Variants in RIMS2 observed in about 807,000 individuals in gnomAD.
RIMS2 encodes regulating synaptic membrane exocytosis 2.
RIMS2 carries 59 observed loss-of-function variants against 174.4 expected under a neutral mutation model. That is an observed-to-expected ratio of 0.34 (90% CI 0.27 to 0.42). The LOEUF (loss-of-function observed/expected upper bound fraction) is 0.42. Among genes scored for constraint, RIMS2 ranks in the 10% least tolerant of loss-of-function variants. The pLI is 1.00. For synonymous variants in RIMS2, 606 were observed against 572.5 expected (o/e 1.06, Z -0.84); for missense variants, 1,620 against 1,666.3 (o/e 0.97, Z 0.48).
chr8:103,717,131 G>GTGC (rs1174765063), intron 2 of RIMS2, among the ~76,000 whole-genome samples: 1 of 136,812 alleles, frequency 7.3e-6, no homozygotes, highest in African/African-American at 2.7e-5. Context: ...TTTCTAAATA[G>GTGC]TGCCTTCTTT....
intron 19 of RIMS2, among the ~76,000 whole-genome samples, chr8:104,157,730 C>T (rs1024282771): frequency 1.3e-5 from 2 of 152,144 alleles, no homozygotes; most frequent in Non-Finnish European, 2.9e-5. Context: ...TGTCAGTAGG[C>T]ACTTGGGTTC....
At chr8:103,842,809 C>T (rs2098948065) in intron 3 of RIMS2, among the ~76,000 whole-genome samples, 1 of 152,194 alleles carries the variant, frequency 6.6e-6, no homozygotes, top group South Asian at 2.1e-4. Context: ...GTACCATAAA[C>T]TGGGTGGCTT....
At chr8:104,194,645 T>C (rs2099015018) in intron 19 of RIMS2, among the ~76,000 whole-genome samples, 1 of 152,148 alleles carries the variant, frequency 6.6e-6, no homozygotes, top group Non-Finnish European at 1.5e-5. Context: ...GAGTGGGTGT[T>C]CAATAAATAC....
At chr8:104,148,709 T>C (rs2098664738) in intron 19 of RIMS2, 1 of 1,598,308 alleles carries the variant, frequency 6.3e-7, no homozygotes, top group Non-Finnish European at 8.5e-7. Context: ...TGGAGAAGAA[T>C]GATGGCAGCC....
At chr8:104,016,368 T>A (rs970670707) in intron 19 of RIMS2, among the ~76,000 whole-genome samples, 1 of 152,112 alleles carries the variant, frequency 6.6e-6, no homozygotes, top group African/African-American at 2.4e-5. Flanking sequence ...GTAAGCGTGC[T>A]GCATTCGAGC....
intron 2 of RIMS2, among the ~76,000 whole-genome samples, chr8:103,762,640 C>T (rs988557151): frequency 2.0e-5 from 3 of 152,174 alleles, no homozygotes; most frequent in Non-Finnish European, 4.4e-5. Context: ...AAGCTGCTTT[C>T]TGTGTAAAGG....
intron 3 of RIMS2, among the ~76,000 whole-genome samples, chr8:103,771,849 C>A (rs931478976): frequency 1.3e-5 from 2 of 152,044 alleles, no homozygotes; most frequent in East Asian, 1.9e-4. Context: ...ATAATTCATT[C>A]ATTCAACAGA....
chr8:103,516,818 C>T (rs543421002), intron 1 of RIMS2, among the ~76,000 whole-genome samples: 6 of 151,926 alleles, frequency 3.9e-5, no homozygotes, highest in African/African-American at 9.7e-5. Flanking sequence ...ATGGGAAGGT[C>T]GGGGAGAGGT....
At chr8:104,242,008 C>T (rs2099301704) in intron 19 of RIMS2, among the ~76,000 whole-genome samples, 1 of 152,130 alleles carries the variant, frequency 6.6e-6, no homozygotes, top group African/African-American at 2.4e-5. Flanking sequence ...GATCTGCCTG[C>T]CTTAGCCTCC....
chr8:103,895,478 T>C (rs911180279), intron 4 of RIMS2, among the ~76,000 whole-genome samples: 1 of 151,486 alleles, frequency 6.6e-6, no homozygotes, highest in Non-Finnish European at 1.5e-5. Context: ...TGTTTCTTCT[T>C]ATAAAGGTAC....
intron 1 of RIMS2, among the ~76,000 whole-genome samples, chr8:103,638,766 G>T (rs1325312958): frequency 2.0e-5 from 3 of 152,010 alleles, no homozygotes; most frequent in Admixed American, 2.0e-4. Context: ...TAGAAACAAA[G>T]ATCTTTGTAC....
intron 19 of RIMS2, among the ~76,000 whole-genome samples, chr8:104,078,653 A>G (rs2097347148): frequency 6.6e-6 from 1 of 152,248 alleles, no homozygotes. Flanking sequence ...TCTATAACAC[A>G]TCTCTACAAA....
chr8:103,571,642 A>G (rs760883779), intron 1 of RIMS2, among the ~76,000 whole-genome samples: 3 of 152,200 alleles, frequency 2.0e-5, no homozygotes, highest in Non-Finnish European at 2.9e-5. Flanking sequence ...TTTATAGGCA[A>G]AAGGTGTTAT....
At chr8:103,574,375 C>T (rs1345590334) in intron 1 of RIMS2, among the ~76,000 whole-genome samples, 1 of 152,162 alleles carries the variant, frequency 6.6e-6, no homozygotes, top group Non-Finnish European at 1.5e-5. Context: ...TGTGTAGTTT[C>T]CACTAAGCTT....
chr8:103,544,318 T>A (rs929149312), intron 1 of RIMS2, among the ~76,000 whole-genome samples: 67 of 152,180 alleles, frequency 4.4e-4, no homozygotes, highest in African/African-American at 1.6e-3. Flanking sequence ...ATACCTCTTC[T>A]GCCTGAACTC....
Position 103,877,019 on chromosome 8 carries a change from T to C in RIMS2, c.699-8279T>C, listed in dbSNP as rs114187020. ...ATTGTGAATTATGCTGCTACAAACA[T>C]GCACGTGCAAGTACCTTTTTCGTAT... is the stretch of plus-strand genomic sequence containing the variant. On this transcript the variant is annotated intron_variant, in intron 3 of 23. Coordinates refer to ENST00000504942, the Ensembl canonical transcript of RIMS2. Among the ~76,000 whole-genome samples the C allele has an allele frequency of 8.3e-3, 1,247 of 150,596 alleles. 18 individuals carry two copies. The highest frequency in any genetic ancestry group is 0.029 in the African/African-American group (1,176 of 41,132).
intron 19 of RIMS2, among the ~76,000 whole-genome samples, chr8:104,209,373 G>C (rs2099095337): frequency 1.3e-5 from 2 of 152,092 alleles, no homozygotes; most frequent in Non-Finnish European, 2.9e-5. Flanking sequence ...CATTGTAGGT[G>C]CTAAAAAAAT....
chr8:103,744,746 A>C (rs998512876), intron 2 of RIMS2, among the ~76,000 whole-genome samples: 2 of 152,226 alleles, frequency 1.3e-5, no homozygotes, highest in Admixed American at 1.3e-4. Context: ...TAAATACCCC[A>C]GACCCCTTGC....
chr8:103,968,556 T>C (rs1309522469), intron 15 of RIMS2, among the ~76,000 whole-genome samples: 1 of 152,032 alleles, frequency 6.6e-6, no homozygotes, highest in Non-Finnish European at 1.5e-5. Context: ...TAGTATACAT[T>C]TGCAATTCAT....
Sources: allele counts gnomAD v4.1 joint callset (sites outside exome capture counted in the v4.1 genomes callset), GRCh38; gene constraint gnomAD v4.1.1; transcripts MANE v1.5; gene names NCBI Gene and HGNC (gene_info 2026-07-23, HGNC 2026-07-21).